REXO1: variants seen among roughly 807,000 people sequenced by gnomAD.
REXO1 encodes REX1, RNA exonuclease 1 homolog.
A neutral mutation model predicts 102.6 loss-of-function variants in REXO1; 42 were observed. The observed-to-expected ratio is 0.41, with a 90% CI of 0.32 to 0.53. The LOEUF (loss-of-function observed/expected upper bound fraction) is 0.53, where lower values mean the gene tolerates loss of function less well. Ranked by LOEUF, REXO1 falls within the 20% of genes least tolerant of loss-of-function variation. The pLI is 0.27. For synonymous variants in REXO1, 908 were observed against 779.1 expected, an observed-to-expected ratio of 1.17 and a Z score of -2.76; for missense variants, 1,819 against 1,732.5, an observed-to-expected ratio of 1.05 and a Z score of -0.89.
In REXO1 at chr19:1,816,720, CGTT is replaced by C. The variant is rs1308802749; in HGVS notation, c.3292_3294del (p.Asn1098del). 3 of 1,612,656 alleles carry C rather than the reference CGTT, an allele frequency of 1.9e-6. No homozygotes were observed. Among genetic ancestry groups the C allele is most frequent in the Non-Finnish European group, 2.5e-6 (3 of 1,179,888 alleles). On this transcript the variant is annotated inframe_deletion, in exon 13 of 16. Coordinates refer to ENST00000170168, the MANE Select transcript of REXO1 (RefSeq NM_020695.4). ...CACCTGGTGTTGTAGTCCACGATCT[CGTT>C]GTCAGGCTTCACGAAGGTGTCATAA...
At position 1,823,745 on chromosome 19, in the gene REXO1, C is replaced by T. The variant is rs756376462; in HGVS notation, c.2057G>A (p.Arg686Gln). The T allele has an allele frequency of 3.7e-5, 47 of 1,261,572 alleles. No individual in the cohort carries two copies. In the South Asian group the frequency reaches 5.5e-4, roughly 15 times the overall value. The allele number at this position is 1,261,572 out of a possible 1,614,324, so 78.1% of individuals were successfully genotyped here. Reference sequence around the variant, plus strand: ...GCACACCTCCTGCGCCGTCGGGGGCCGGGCCGGGGGCACCGCGGGACCCCT... The same window carrying T: ...GCACACCTCCTGCGCCGTCGGGGGCTGGGCCGGGGGCACCGCGGGACCCCT... ...PRRGPAVPPA[R>Q]PPTAQEVCYL... is the part of the protein sequence containing the mutation. The change falls in exon 4 of 16, where the codon CGG (arginine) becomes CAG (glutamine). Residue 686 changes from arginine to glutamine, a missense_variant. By Grantham distance (43) the Arg-to-Gln change is conservative. Coordinates refer to ENST00000170168, the MANE Select transcript of REXO1 (RefSeq NM_020695.4).
rs115978807 is a variant in REXO1, at chr19:1,829,005, G to A, written c.158-374C>T. ...GGGTGTGGAGCTCCCAGCATTCAGG[G>A]TGCCGGGCTGAGGCAGGACTGGGCT... On this transcript the variant is annotated intron_variant, in intron 1 of 15. Transcript: ENST00000170168. Among the ~76,000 whole-genome samples the A allele has an allele frequency of 5.3e-3, 815 of 152,368 alleles. 7 individuals are homozygous for A. The highest frequency in any genetic ancestry group is 0.018 in the African/African-American group (757 of 41,584).
In REXO1 at chr19:1,816,505, C is replaced by T. The variant is rs777048610; in HGVS notation, c.3382G>A (p.Val1128Ile). ...TCAGCGCTGAACATGCTCAGCAGAA[C>T]GGCCTGGACGTCACGCAGCGTGACA... ...TSVTLRDVQA[V>I]LLSMFSADTI... The change falls in exon 14 of 16, where the codon GTT (valine) becomes ATT (isoleucine). Residue 1128 changes from valine (V) to isoleucine (I), a missense_variant. By Grantham distance (29) the Val-to-Ile change is conservative. Transcript: ENST00000170168. The T allele has an allele frequency of 8.1e-6, 13 of 1,612,380 alleles. No homozygotes were observed. Among genetic ancestry groups the T allele is most frequent in the Middle Eastern group, 1.7e-4 (1 of 6,060 alleles).
chr19:1,824,932 C>T (rs1444817139), intron 3 of REXO1, among the ~76,000 whole-genome samples: 5 of 151,902 alleles, frequency 3.3e-5, no homozygotes, highest in African/African-American at 1.2e-4. Context: ...ATTACAGGTG[C>T]GTGCCACCGC....
At chr19:1,820,210 C>T in intron 6 of REXO1, 54 bp downstream of exon 6, 1 of 1,584,838 alleles carries the variant, frequency 6.3e-7, no homozygotes. Context: ...CTGGGGACCA[C>T]CCTGGACCCC....
At chr19:1,817,100 CGA>C (rs1555816440) in intron 12 of REXO1, 117 bp downstream of exon 12, 124 of 1,252,738 alleles carry the variant, frequency 9.9e-5, no homozygotes, top group Non-Finnish European at 1.3e-5. Context: ...ACCGGTGCTG[CGA>C]GAGAAACCCT....
rs551285058 is a variant in REXO1 at position 1,819,944 on chromosome 19, G to A, written c.2640C>T (p.Pro880=). The A allele has an allele frequency of 1.2e-4, 191 of 1,580,118 alleles. No individual in the cohort carries two copies. The highest frequency in any genetic ancestry group is 1.5e-4 in the Non-Finnish European group (179 of 1,166,834). The change falls in exon 7 of 16, where the codon CCC becomes CCT. Residue 880 remains proline (P), a synonymous_variant. Coordinates refer to ENST00000170168, the MANE Select transcript of REXO1 (RefSeq NM_020695.4). ...CCCGCCAGGACTCACTGCTGAGGCC[G>A]GGCACAGCGCTGGGGGCCAGGCCCC... ...KLRGLAPSAV[P]GLSKTSGRRV... is the part of the protein sequence containing the mutation.
rs75539758 is a variant in REXO1, at chr19:1,831,319, C to T, written c.158-2688G>A. 6.1e-3 allele frequency among the ~76,000 whole-genome samples: 923 copies of T among 152,352 alleles called. 14 individuals are homozygous for T. Among genetic ancestry groups the T allele is most frequent in the African/African-American group, 0.021 (876 of 41,576 alleles). ...CGTGCAGCTTGTCTGAAGGTCGGGC[C>T]TCAGGTGTGTTTCTTCCACTCAGAA... On this transcript the variant is annotated intron_variant, in intron 1 of 15. Transcript: ENST00000170168.
chr19:1,821,511 G>A lies in REXO1; in HGVS notation c.2394+8C>T, dbSNP rs779646748. 1 of 1,613,444 alleles carries A rather than the reference G, an allele frequency of 6.2e-7. No homozygotes were observed. The highest frequency in any genetic ancestry group is 8.5e-7 in the Non-Finnish European group (1 of 1,179,710). On this transcript the variant is annotated splice_region_variant and intron_variant, in intron 5 of 15. Coordinates refer to ENST00000170168, the MANE Select transcript of REXO1 (RefSeq NM_020695.4). The stretch of plus-strand genomic sequence containing the variant: ...GGTGGTGGTCCTGGCCGAGATGGGA[G>A]GGGCTACCTGTAAGGATGGACTGTG...
chr19:1,830,797 G>A (rs578070047), intron 1 of REXO1: 53 of 189,850 alleles, frequency 2.8e-4, no homozygotes, highest in African/African-American at 9.8e-4. Context: ...CTTCAGACTC[G>A]GAATCCTCAG....
chr19:1,818,292 A>C (rs548793606), intron 10 of REXO1, among the ~76,000 whole-genome samples, 190 bp downstream of exon 10: 1 of 152,338 alleles, frequency 6.6e-6, no homozygotes, highest in Non-Finnish European at 1.5e-5. Flanking sequence ...TTACTTTTGC[A>C]TAAAGAACAG....
At chr19:1,817,836 C>G in intron 10 of REXO1, 56 bp from the exon 11 acceptor site, 2 of 1,450,426 alleles carry the variant, frequency 1.4e-6, no homozygotes, top group Non-Finnish European at 1.9e-6. Context: ...CCACAGCCCC[C>G]GGGGCACTGA....
At chr19:1,830,759 C>A in intron 1 of REXO1, 1 of 215,738 alleles carries the variant, frequency 4.6e-6, no homozygotes, top group South Asian at 4.2e-5. Context: ...AGTTTCGCAA[C>A]CATCCCATGC....
chr19:1,833,230 CAAATA>C (rs1055105418), intron 1 of REXO1, among the ~76,000 whole-genome samples: 5 of 152,252 alleles, frequency 3.3e-5, no homozygotes, highest in African/African-American at 1.2e-4. Flanking sequence ...GTCTCTAAAA[CAAATA>C]AAATTAAGTA....
chr19:1,820,966 T>C (rs2069516440), intron 5 of REXO1, among the ~76,000 whole-genome samples: 2 of 149,646 alleles, frequency 1.3e-5, no homozygotes, highest in African/African-American at 4.9e-5. Context: ...GCCCCTGCAC[T>C]CTAGCCTGGG....
At position 1,848,171 on chromosome 19, in the gene REXO1, A is replaced by T. The variant is rs181006507; in HGVS notation, c.157+31T>A. 720 of 1,131,160 alleles carry T rather than the reference A, an allele frequency of 6.4e-4. 7 individuals are homozygous for T. The East Asian group carries it at 0.02, about 31-fold the overall frequency. The allele number at this position is 1,131,160 out of a possible 1,614,324, so 70.1% of individuals were successfully genotyped here. Reference sequence around the variant, plus strand: ...GGTCCAGACCCGGGCAGGGGAGCCGAGCCCAAGGCAAGCAGGCGGGCGGGC... The same window carrying T: ...GGTCCAGACCCGGGCAGGGGAGCCGTGCCCAAGGCAAGCAGGCGGGCGGGC... On this transcript the variant is annotated intron_variant, in intron 1 of 15. Coordinates refer to ENST00000170168, the MANE Select transcript of REXO1 (RefSeq NM_020695.4).
At chr19:1,820,147 ATC>A in intron 6 of REXO1, 90 bp from the exon 7 acceptor site, 1 of 1,563,972 alleles carries the variant, frequency 6.4e-7, no homozygotes, top group African/African-American at 1.4e-5. Context: ...GGGGACTTGC[ATC>A]TCTCCCAGGC....
chr19:1,840,237 C>T (rs1477584790), intron 1 of REXO1, among the ~76,000 whole-genome samples: 1 of 152,172 alleles, frequency 6.6e-6, no homozygotes, highest in Non-Finnish European at 1.5e-5. Flanking sequence ...TGGCCCAGGG[C>T]AGGTGTCTGC....
intron 1 of REXO1, among the ~76,000 whole-genome samples, chr19:1,832,249 G>A (rs1331049085): frequency 3.3e-5 from 5 of 152,230 alleles, no homozygotes; most frequent in East Asian, 1.9e-4. Context: ...GGAAGCCTTC[G>A]GGAGGCCCAG....
Sources: gnomAD v4.1 joint callset for allele counts (sites outside exome capture counted in the v4.1 genomes callset) on GRCh38, gnomAD v4.1.1 for gene constraint, MANE v1.5 for transcripts, NCBI Gene and HGNC (gene_info 2026-07-23, HGNC 2026-07-21) for gene names.